RBM47: variants seen among roughly 807,000 people sequenced by gnomAD.
RBM47 encodes RNA-binding protein 47.
Under a neutral mutation model 47.1 loss-of-function variants are expected in RBM47, and 21 were observed. The ratio of observed to expected loss-of-function variants is 0.45; its 90% confidence interval spans 0.32 to 0.64. The LOEUF is 0.64. Among genes scored for constraint, RBM47 ranks in the 30% least tolerant of loss-of-function variants. The probability of loss-of-function intolerance (pLI) is 0.05; values close to 1 mark genes in which losing one functional copy is unlikely to be tolerated. For missense variants in RBM47, 708 were observed against 870.9 expected, an observed-to-expected ratio of 0.81 and a Z score of 2.35; for synonymous variants, 375 against 361.7, an observed-to-expected ratio of 1.04 and a Z score of -0.42.
At chr4:40,454,850 T>C (rs1057398919) in intron 3 of RBM47, among the ~76,000 whole-genome samples, 1 of 152,164 alleles carries the variant, frequency 6.6e-6, no homozygotes, top group Admixed American at 6.5e-5. Context: ...TTGACCCAAC[T>C]TACAGAATTG....
chr4:40,580,709 T>G (rs1197947402), intron 1 of RBM47, among the ~76,000 whole-genome samples: 1 of 152,136 alleles, frequency 6.6e-6, no homozygotes, highest in Non-Finnish European at 1.5e-5. Flanking sequence ...TGAGGAATGA[T>G]CCCTACCACT....
chr4:40,490,535 A>G (rs1271702248), intron 2 of RBM47, among the ~76,000 whole-genome samples: 3 of 152,204 alleles, frequency 2.0e-5, no homozygotes, highest in Admixed American at 6.5e-5. Flanking sequence ...AATTTCATCT[A>G]CAATAGCATC....
In RBM47 at chr4:40,438,055, A is replaced by G. The variant is rs1712972170; in HGVS notation, c.839T>C (p.Ile280Thr). The G allele has an allele frequency of 1.2e-6, 2 of 1,613,210 alleles. No individual in the cohort carries two copies. Among genetic ancestry groups the G allele is most frequent in the Non-Finnish European group, 1.7e-6 (2 of 1,179,958 alleles). ...GAAGTGCACGAAGGCGTAGTCGCGG[A>G]TCTTCTTGACGCGCTCCACGCAGCC... ...NPGCVERVKK[I>T]RDYAFVHFTS... is the part of the protein sequence containing the mutation. Residue 280 changes from isoleucine to threonine, a missense_variant, in exon 4 of 7, where the codon ATC becomes ACC. Coordinates refer to ENST00000295971, the MANE Select transcript of RBM47 (RefSeq NM_001098634.2).
At chr4:40,558,855 G>A (rs527463070) in intron 1 of RBM47, among the ~76,000 whole-genome samples, 9 of 150,880 alleles carry the variant, frequency 6.0e-5, no homozygotes, top group Admixed American at 1.3e-4. Flanking sequence ...TTAGCCGGGC[G>A]TGGTGGCAGG....
intron 4 of RBM47, chr4:40,436,996 T>C (rs1300421633): frequency 7.9e-6 from 3 of 377,582 alleles, no homozygotes; most frequent in East Asian, 7.5e-5. Flanking sequence ...TCCCAGCACT[T>C]TGGGAGGCTG....
intron 3 of RBM47, among the ~76,000 whole-genome samples, chr4:40,448,764 G>A (rs1261527481): frequency 6.6e-6 from 1 of 152,082 alleles, no homozygotes; most frequent in Non-Finnish European, 1.5e-5. Context: ...TAAAAAGTTT[G>A]GCAATTATTA....
chr4:40,626,057 T>TTGTGTATTTTACTTTACACACA (rs1339565613), intron 1 of RBM47, among the ~76,000 whole-genome samples: 1 of 152,198 alleles, frequency 6.6e-6, no homozygotes, highest in East Asian at 1.9e-4. Flanking sequence ...TTTTACGTGA[T>TTGTGTATTTTACTTTACACACA]CAGCTTATTT....
intron 2 of RBM47, among the ~76,000 whole-genome samples, chr4:40,525,665 G>GA (rs57867160): frequency 0.11 from 16,177 of 151,986 alleles, 2,294 homozygotes; most frequent in African/African-American, 0.33. Context: ...ATAAATAGGG[G>GA]AAAAAATGCA....
chr4:40,426,210 C>G (rs1403557228), intron 6 of RBM47, 67 bp from the exon 7 acceptor site: 1 of 1,543,834 alleles, frequency 6.5e-7, no homozygotes, highest in African/African-American at 1.4e-5. Flanking sequence ...ATTCATTCAA[C>G]AAGCCTCTCC....
intron 2 of RBM47, 113 bp from the exon 3 acceptor site, chr4:40,466,812 T>C (rs2154233451): frequency 1.7e-5 from 2 of 118,988 alleles, no homozygotes; most frequent in South Asian, 6.6e-4. Flanking sequence ...TTCCTAAGCA[T>C]AATAATTAGA....
chr4:40,486,499 C>A (rs1721107576), intron 2 of RBM47, among the ~76,000 whole-genome samples: 1 of 152,140 alleles, frequency 6.6e-6, no homozygotes, highest in South Asian at 2.1e-4. Flanking sequence ...ACTATATCAG[C>A]AAAAATTTTT....
intron 1 of RBM47, among the ~76,000 whole-genome samples, chr4:40,623,503 C>A (rs1328365983): frequency 5.9e-5 from 9 of 151,958 alleles, no homozygotes; most frequent in Non-Finnish European, 2.9e-5. Flanking sequence ...CTTGGTTGAC[C>A]CTCCGTATTT....
intron 1 of RBM47, among the ~76,000 whole-genome samples, chr4:40,560,505 C>T (rs891882097): frequency 7.9e-5 from 12 of 152,266 alleles, no homozygotes; most frequent in Admixed American, 4.6e-4. Context: ...GACACCTCGG[C>T]TCTCCCTGCT....
In RBM47 at chr4:40,425,886, T is replaced by G; in HGVS notation, c.*18A>C. The G allele has an allele frequency of 6.2e-7, 1 of 1,613,240 alleles. No homozygotes were observed. The highest frequency in any genetic ancestry group is 8.5e-7 in the Non-Finnish European group (1 of 1,179,342). On this transcript the variant is annotated 3_prime_UTR_variant, in exon 7 of 7. Transcript: ENST00000295971. The stretch of plus-strand genomic sequence containing the variant: ...TCAGTGGTGTTTGTGTGGTCTGTCT[T>G]CGTGCTGGTCACCAGCCTCAGTATG...
chr4:40,624,842 A>G (rs756286131), intron 1 of RBM47, among the ~76,000 whole-genome samples: 8 of 145,702 alleles, frequency 5.5e-5, no homozygotes, highest in African/African-American at 1.8e-4. Context: ...TATTTAAGCC[A>G]TCTTTTCTTT....
At chr4:40,624,107 C>A (rs2154281992) in intron 1 of RBM47, among the ~76,000 whole-genome samples, 1 of 152,318 alleles carries the variant, frequency 6.6e-6, no homozygotes, top group East Asian at 1.9e-4. Context: ...ATGCCTTGGT[C>A]TCCAAAAGTG....
At chr4:40,535,418 G>C (rs957520955) in intron 2 of RBM47, among the ~76,000 whole-genome samples, 2 of 132,776 alleles carry the variant, frequency 1.5e-5, no homozygotes, top group African/African-American at 6.2e-5. Context: ...TGTCACCCAG[G>C]CTGGAGTGCA....
intron 2 of RBM47, among the ~76,000 whole-genome samples, chr4:40,469,075 G>A (rs1409119727): frequency 6.6e-6 from 1 of 152,214 alleles, no homozygotes; most frequent in Non-Finnish European, 1.5e-5. Context: ...TGGCAGGACT[G>A]TTGTGGAGAA....
intron 2 of RBM47, among the ~76,000 whole-genome samples, chr4:40,496,361 CACA>C (rs1560419563): frequency 2.0e-5 from 2 of 100,910 alleles, no homozygotes; most frequent in Admixed American, 9.5e-5. Flanking sequence ...CACACACACA[CACA>C]AAGAGAGAAA....
Sources: allele counts gnomAD v4.1 joint callset (sites outside exome capture counted in the v4.1 genomes callset), GRCh38; gene constraint gnomAD v4.1.1; transcripts MANE v1.5; gene names NCBI Gene and HGNC (gene_info 2026-07-23, HGNC 2026-07-21).